The following ST3GAL6 variants were observed in gnomAD, a reference collection of about 807,000 sequenced individuals.
The protein encoded by ST3GAL6 is ST3 beta-galactoside alpha-2,3-sialyltransferase 6.
ST3GAL6 carries 31 observed loss-of-function variants against 40.5 expected under a neutral mutation model. That is an observed-to-expected ratio of 0.77 (90% CI 0.58 to 1.03). ST3GAL6 has a LOEUF of 1.03. Among genes scored for constraint, ST3GAL6 ranks in the 50% least tolerant of loss-of-function variants. ST3GAL6 has a pLI of 0.00. For synonymous variants in ST3GAL6, 129 were observed against 136.9 expected, an observed-to-expected ratio of 0.94 and a Z score of 0.40; for missense variants, 357 against 393.2, an observed-to-expected ratio of 0.91 and a Z score of 0.78.
chr3:98,733,779 C>T (rs1452091190), intron 1 of ST3GAL6, among the ~76,000 whole-genome samples: 2 of 151,738 alleles, frequency 1.3e-5, no homozygotes, highest in Non-Finnish European at 2.9e-5. Flanking sequence ...CCCAAAGCAC[C>T]TTCTTTTAGG....
intron 1 of ST3GAL6, chr3:98,756,361 T>C (rs1315794240): frequency 7.8e-7 from 1 of 1,289,770 alleles, no homozygotes; most frequent in Non-Finnish European, 1.0e-6. Flanking sequence ...CTTTATGTTT[T>C]ATTTCAGCAT....
rs1941232110 is a variant in ST3GAL6, at chr3:98,791,854, C to G, written c.770C>G (p.Pro257Arg). The G allele has an allele frequency of 1.2e-6, 2 of 1,611,464 alleles. No homozygotes were observed. The highest frequency in any genetic ancestry group is 1.7e-6 in the Non-Finnish European group (2 of 1,178,650). Reference sequence around the variant, plus strand: ...CCCCTCCCCCAGAAACCTAAACACCCAACAACAGGAATTATTGCCATCACA... The same window carrying G: ...CCCCTCCCCCAGAAACCTAAACACCGAACAACAGGAATTATTGCCATCACA... Reference protein sequence around the residue: ...VFPKNQKPKHPTTGIIAITLA... With the variant: ...VFPKNQKPKHRTTGIIAITLA... Residue 257 changes from proline to arginine, a missense_variant, in exon 9 of 10, where the codon CCA becomes CGA. Transcript: ENST00000483910.
chr3:98,733,785 T>G (rs1035417457), intron 1 of ST3GAL6, among the ~76,000 whole-genome samples: 1 of 152,086 alleles, frequency 6.6e-6, no homozygotes, highest in Non-Finnish European at 1.5e-5. Flanking sequence ...GCACCTTCTT[T>G]TAGGATTTTT....
At chr3:98,782,198 C>G in intron 5 of ST3GAL6, 2 of 691,124 alleles carry the variant, frequency 2.9e-6, no homozygotes, top group Non-Finnish European at 5.2e-6. Flanking sequence ...ATGTTACTTT[C>G]TTATTTAGAA....
chr3:98,780,494 T>A (rs1939991005), intron 5 of ST3GAL6, among the ~76,000 whole-genome samples: 1 of 152,150 alleles, frequency 6.6e-6, no homozygotes, highest in African/African-American at 2.4e-5. Flanking sequence ...AGAATGAAAC[T>A]CCTAAAAATA....
At chr3:98,737,843 AT>A (rs1935686908) in intron 1 of ST3GAL6, among the ~76,000 whole-genome samples, 1 of 152,256 alleles carries the variant, frequency 6.6e-6, no homozygotes, top group South Asian at 2.1e-4. Flanking sequence ...TGCTATTCTA[AT>A]TTTAGACAAA....
intron 1 of ST3GAL6, among the ~76,000 whole-genome samples, chr3:98,747,471 C>T (rs190675290): frequency 2.8e-4 from 42 of 152,088 alleles, no homozygotes; most frequent in Non-Finnish European, 5.1e-4. Context: ...AAAAATGAAA[C>T]GACAATTCTA....
chr3:98,777,008 T>C (rs1180679652), intron 5 of ST3GAL6, among the ~76,000 whole-genome samples: 1 of 152,246 alleles, frequency 6.6e-6, no homozygotes, highest in Non-Finnish European at 1.5e-5. Context: ...TTGCCAGGGC[T>C]GGTTCTGTGA....
At chr3:98,770,272 C>T (rs1217176194) in intron 2 of ST3GAL6, 1 of 152,214 alleles carries the variant, frequency 6.6e-6, no homozygotes, top group Non-Finnish European at 1.5e-5. Flanking sequence ...TTGTTGTGCT[C>T]TGTCATGTTT....
intron 1 of ST3GAL6, among the ~76,000 whole-genome samples, chr3:98,753,583 C>T (rs188738372): frequency 1.3e-5 from 2 of 152,312 alleles, no homozygotes; most frequent in East Asian, 3.9e-4. Context: ...GCTGGCTCAC[C>T]CTCTTGTTAG....
intron 1 of ST3GAL6, among the ~76,000 whole-genome samples, chr3:98,742,259 A>T (rs1214262258): frequency 6.6e-6 from 1 of 152,170 alleles, no homozygotes; most frequent in Non-Finnish European, 1.5e-5. Context: ...GCTCTAAAAA[A>T]TTTTACATTT....
At chr3:98,752,386 CATT>C (rs1394664090) in intron 1 of ST3GAL6, among the ~76,000 whole-genome samples, 2 of 152,026 alleles carry the variant, frequency 1.3e-5, no homozygotes, top group African/African-American at 2.4e-5. Flanking sequence ...CAGATTTTTT[CATT>C]ATTATTATAT....
rs140152670 is a variant in ST3GAL6, at chr3:98,793,678, G to A, written c.913G>A (p.Ala305Thr). The change falls in exon 10 of 10, where the codon GCG becomes ACG. Residue 305 changes from alanine (A) to threonine (T), a missense_variant. By Grantham distance (58) the Ala-to-Thr change is moderately conservative. Coordinates refer to ENST00000483910, the MANE Select transcript of ST3GAL6 (RefSeq NM_001323368.2). ...NATMSLMNKN[A>T]YHNVTAEQLF... ...TAATTGTATTTTTCTTCTTTAGAAC[G>A]CGTATCACAATGTGACTGCAGAGCA... 119 of 1,577,416 alleles carry A rather than the reference G, an allele frequency of 7.5e-5. No homozygotes were observed. The highest frequency in any genetic ancestry group is 3.3e-4 in the Middle Eastern group (2 of 5,978).
Position 98,793,716 on chromosome 3 carries a change from G to A in ST3GAL6, c.951G>A (p.Lys317=), listed in dbSNP as rs139141623. The change falls in exon 10 of 10, where the codon AAG becomes AAA. Residue 317 remains lysine (K), a synonymous_variant. Coordinates refer to ENST00000483910, the MANE Select transcript of ST3GAL6 (RefSeq NM_001323368.2). Reference sequence around the variant, plus strand: ...TGACTGCAGAGCAGCTCTTTTTGAAGGACATTATAGAAAAAAACCTCGTAA... The same window carrying A: ...TGACTGCAGAGCAGCTCTTTTTGAAAGACATTATAGAAAAAAACCTCGTAA... ...HNVTAEQLFL[K]DIIEKNLVIN... The A allele has an allele frequency of 6.3e-7, 1 of 1,599,612 alleles. No homozygotes were observed. The highest frequency in any genetic ancestry group is 1.3e-5 in the African/African-American group (1 of 74,362).
chr3:98,758,868 A>G (rs1038790282), upstream of ST3GAL6, among the ~76,000 whole-genome samples: 1 of 152,204 alleles, frequency 6.6e-6, no homozygotes, highest in Non-Finnish European at 1.5e-5. Context: ...TAAGTATTTT[A>G]TATTTACTAC....
rs773805163 is a variant in ST3GAL6 at position 98,763,389 on chromosome 3, G to A, written c.-62G>A. On this transcript the variant is annotated 5_prime_UTR_variant, in exon 1 of 10. Coordinates refer to ENST00000483910, the MANE Select transcript of ST3GAL6 (RefSeq NM_001323368.2). ...ACTAGGATGGATGACGGCCTGTCCA[G>A]GGGCTGAATGGACACAGGTGTCAGC... 1 of 1,289,844 alleles carries A rather than the reference G, an allele frequency of 7.8e-7. No homozygotes were observed. Among genetic ancestry groups the A allele is most frequent in the Non-Finnish European group, 1.0e-6 (1 of 988,870 alleles). The allele number at this position is 1,289,844 out of a possible 1,614,324, so 79.9% of individuals were successfully genotyped here. A position where few individuals can be genotyped will look rare whatever the true frequency, so the allele number is the denominator to read the frequency against.
chr3:98,743,802 G>A (rs904714873), intron 1 of ST3GAL6, among the ~76,000 whole-genome samples: 9 of 151,990 alleles, frequency 5.9e-5, no homozygotes, highest in South Asian at 2.1e-4. Flanking sequence ...ATTAATTAGC[G>A]CCTGGTATTC....
At chr3:98,784,208 C>T (rs1559751645) in intron 5 of ST3GAL6, among the ~76,000 whole-genome samples, 1 of 152,200 alleles carries the variant, frequency 6.6e-6, no homozygotes, top group Non-Finnish European at 1.5e-5. Context: ...TCTATTTTGT[C>T]ATTTCTCCAG....
In ST3GAL6 at chr3:98,793,981, T is replaced by G. The variant is rs14310; in HGVS notation, c.*220T>G. ...AACAGGAAAATAAGTTTTGATTGCATTGTTTTTAAAATAAGCTAGTTTTCT... is the reference window on the plus strand; with the variant it reads ...AACAGGAAAATAAGTTTTGATTGCAGTGTTTTTAAAATAAGCTAGTTTTCT... On this transcript the variant is annotated 3_prime_UTR_variant, in exon 10 of 10. Transcript: ENST00000483910. The G allele has an allele frequency of 8.6e-6, 3 of 349,380 alleles. No individual in the cohort carries two copies. The highest frequency in any genetic ancestry group is 4.8e-5 in the Admixed American group (1 of 20,824). The allele number at this position is 349,380 out of a possible 1,614,324, so 21.6% of individuals were successfully genotyped here. A position where few individuals can be genotyped will look rare whatever the true frequency, so the allele number is the denominator to read the frequency against.
Sources: gnomAD v4.1 joint callset for allele counts (sites outside exome capture counted in the v4.1 genomes callset) on GRCh38, gnomAD v4.1.1 for gene constraint, MANE v1.5 for transcripts, NCBI Gene and HGNC (gene_info 2026-07-23, HGNC 2026-07-21) for gene names.